The following CPQ variants were observed in gnomAD, a reference collection of about 807,000 sequenced individuals.
CPQ encodes the protein carboxypeptidase Q, also known as Ser-Met dipeptidase.
Under a neutral mutation model 45.7 loss-of-function variants are expected in CPQ, and 37 were observed. The observed-to-expected ratio is 0.81, with a 90% CI of 0.62 to 1.07. The LOEUF (loss-of-function observed/expected upper bound fraction) is 1.07, where lower values mean the gene tolerates loss of function less well. Ranked by LOEUF, CPQ falls within the 50% of genes least tolerant of loss-of-function variation. The probability of loss-of-function intolerance (pLI) is 0.00; values close to 1 mark genes in which losing one functional copy is unlikely to be tolerated. For missense variants in CPQ, 537 were observed against 572.9 expected, an observed-to-expected ratio of 0.94 and a Z score of 0.64; for synonymous variants, 186 against 205.8, an observed-to-expected ratio of 0.90 and a Z score of 0.82.
chr8:96,708,419 A>ATG (rs61343547), intron 1 of CPQ, among the ~76,000 whole-genome samples: 1 of 138,048 alleles, frequency 7.2e-6, no homozygotes, highest in Non-Finnish European at 1.6e-5. Flanking sequence ...GGTAAGCCAT[A>ATG]TGTGTGTGTG....
chr8:96,667,921 C>G (rs1215043212), intron 1 of CPQ, among the ~76,000 whole-genome samples: 3 of 151,984 alleles, frequency 2.0e-5, no homozygotes, highest in Non-Finnish European at 4.4e-5. Flanking sequence ...ATCTTTTATT[C>G]TCCACAATAT....
chr8:96,678,162 T>C (rs1036197286), intron 1 of CPQ, among the ~76,000 whole-genome samples: 11 of 152,116 alleles, frequency 7.2e-5, no homozygotes, highest in South Asian at 2.1e-4. Flanking sequence ...GGCCCCTTTT[T>C]TGGTTCCATG....
chr8:96,740,614 C>G (rs1468696077), intron 1 of CPQ, among the ~76,000 whole-genome samples: 2 of 151,336 alleles, frequency 1.3e-5, no homozygotes, highest in Admixed American at 6.6e-5. Context: ...ATAGATAGCT[C>G]TTATTATTTT....
Position 96,759,962 on chromosome 8 carries a change from C to T in CPQ, c.-34-24902C>T, listed in dbSNP as rs576468283. Reference sequence around the variant, plus strand: ...GGGGAACTGCAATTTAGAGAGGTTACGTAACTTGGTCCAAGTCACACAGCT... The same window carrying T: ...GGGGAACTGCAATTTAGAGAGGTTATGTAACTTGGTCCAAGTCACACAGCT... On this transcript the variant is annotated intron_variant, in intron 1 of 7. Transcript: ENST00000220763. Among the ~76,000 whole-genome samples, 15 of 152,274 alleles carry T rather than the reference C, an allele frequency of 9.9e-5. No individual in the cohort carries two copies. The East Asian group carries it at 2.5e-3, about 25-fold the overall frequency.
At chr8:96,730,925 T>A in intron 1 of CPQ, among the ~76,000 whole-genome samples, 3 of 129,344 alleles carry the variant, frequency 2.3e-5, no homozygotes, top group Admixed American at 1.7e-4. Context: ...ATTTAACACC[T>A]CCCCCCACCC....
chr8:96,891,139 G>A (rs568776755), intron 4 of CPQ, among the ~76,000 whole-genome samples: 1 of 152,282 alleles, frequency 6.6e-6, no homozygotes, highest in Non-Finnish European at 1.5e-5. Context: ...CACTTTTTTA[G>A]CCATAGAGTG....
chr8:96,991,551 GTCATAATAATAA>G lies in CPQ; in HGVS notation c.961+25507_961+25518del, dbSNP rs1333702352. Among the ~76,000 whole-genome samples, 527 of 114,638 alleles carry G rather than the reference GTCATAATAATAA, an allele frequency of 4.6e-3. 2 individuals are homozygous for G. The highest frequency in any genetic ancestry group is 0.019 in the African/African-American group (504 of 26,752). The allele number at this position is 114,638 out of a possible 152,430, so 75.2% of individuals were successfully genotyped here. A position where few individuals can be genotyped will look rare whatever the true frequency, so the allele number is the denominator to read the frequency against. ...AGCCTGGGAGACAGAACAAGAGTCT[GTCATAATAATAA>G]TAATAATAATAATAATAATAATAAT... is the stretch of plus-strand genomic sequence containing the variant. On this transcript the variant is annotated intron_variant, in intron 5 of 7. Coordinates refer to ENST00000220763, the MANE Select transcript of CPQ (RefSeq NM_016134.4).
intron 5 of CPQ, among the ~76,000 whole-genome samples, chr8:97,028,023 G>A (rs1453074289): frequency 6.6e-6 from 1 of 152,196 alleles, no homozygotes; most frequent in Non-Finnish European, 1.5e-5. Context: ...TAGTGGCCAA[G>A]ATGAGAATTT....
chr8:96,854,530 C>CAAAAAAAAAAAAAAAAAAAAAAAAAAA (rs1156706371), intron 3 of CPQ, among the ~76,000 whole-genome samples: 3 of 8,698 alleles, frequency 3.4e-4, no homozygotes, highest in Non-Finnish European at 8.0e-4. Flanking sequence ...GACTCCGTCT[C>CAAAAAAAAAAAAAAAAAAAAAAAAAAA]AAAAAAAAAA....
At position 96,785,070 on chromosome 8, in the gene CPQ, A is replaced by G; in HGVS notation, c.173A>G (p.Lys58Arg). Residue 58 changes from lysine (K) to arginine (R), a missense_variant, in exon 2 of 8, where the codon AAA becomes AGA. Lys to Arg is a conservative substitution (Grantham distance 26, BLOSUM62 2). Coordinates refer to ENST00000220763, the MANE Select transcript of CPQ (RefSeq NM_016134.4). Reference protein sequence around the residue: ...KAIINLAVYGKAQNRSYERLA... With the variant: ...KAIINLAVYGRAQNRSYERLA... ...ATCATCAACCTAGCTGTTTATGGTA[A>G]AGCCCAGAACAGATCCTATGAGCGA... is the stretch of plus-strand genomic sequence containing the variant. 1.2e-6 allele frequency: 2 copies of G among 1,613,834 alleles called. No homozygotes were observed. The highest frequency in any genetic ancestry group is 1.7e-6 in the Non-Finnish European group (2 of 1,179,836).
chr8:96,668,344 A>G (rs540499447), intron 1 of CPQ, among the ~76,000 whole-genome samples: 10 of 152,324 alleles, frequency 6.6e-5, no homozygotes, highest in Non-Finnish European at 1.3e-4. Flanking sequence ...TGAATCTTAC[A>G]TGGTTCTCAT....
At chr8:96,671,172 G>A (rs940426538) in intron 1 of CPQ, among the ~76,000 whole-genome samples, 1 of 152,152 alleles carries the variant, frequency 6.6e-6, no homozygotes, top group Non-Finnish European at 1.5e-5. Flanking sequence ...CCTTGTACTT[G>A]ATAACCTTAA....
chr8:96,687,999 A>T (rs539920736), intron 1 of CPQ, among the ~76,000 whole-genome samples: 61 of 151,270 alleles, frequency 4.0e-4, no homozygotes, highest in Middle Eastern at 3.4e-3. Context: ...TCTGAAAAAA[A>T]TTTTTTTTTG....
chr8:96,928,053 A>G (rs979855172), intron 4 of CPQ, among the ~76,000 whole-genome samples: 4 of 152,206 alleles, frequency 2.6e-5, no homozygotes, highest in Admixed American at 2.6e-4. Context: ...GGGCCAGACC[A>G]GCAGGTCCCG....
At chr8:97,111,525 T>C (rs148145257) in intron 7 of CPQ, among the ~76,000 whole-genome samples, 18 of 152,354 alleles carry the variant, frequency 1.2e-4, no homozygotes, top group African/African-American at 4.1e-4. Context: ...TCTCTTTTGA[T>C]GTCCCTTGTT....
chr8:96,684,603 G>A (rs1809200924), intron 1 of CPQ, among the ~76,000 whole-genome samples: 1 of 152,160 alleles, frequency 6.6e-6, no homozygotes, highest in African/African-American at 2.4e-5. Context: ...GCCATCAGTG[G>A]TGGCAGTGGA....
intron 5 of CPQ, among the ~76,000 whole-genome samples, chr8:96,980,510 A>G (rs1022274585): frequency 5.3e-5 from 8 of 152,184 alleles, no homozygotes; most frequent in Non-Finnish European, 1.2e-4. Context: ...TGATAGGATA[A>G]TTTGAAATAA....
chr8:96,956,360 T>TAGA (rs1813357314), intron 4 of CPQ, among the ~76,000 whole-genome samples: 3 of 152,156 alleles, frequency 2.0e-5, no homozygotes, highest in African/African-American at 7.2e-5. Context: ...GCTTTGGAAT[T>TAGA]AGAAGAAATC....
intron 4 of CPQ, among the ~76,000 whole-genome samples, chr8:96,926,622 TCTCCTCCTTCTC>T (rs1488718564): frequency 2.7e-4 from 33 of 123,734 alleles, no homozygotes; most frequent in African/African-American, 6.9e-4. Context: ...TTCTTCTTCT[TCTCCTCCTTCTC>T]CTTCTTCTTC....
Sources: allele counts gnomAD v4.1 joint callset (sites outside exome capture counted in the v4.1 genomes callset), GRCh38; gene constraint gnomAD v4.1.1; transcripts MANE v1.5; gene names NCBI Gene and HGNC (gene_info 2026-07-23, HGNC 2026-07-21).